CACNA1B: variants seen among roughly 807,000 people sequenced by gnomAD.
CACNA1B encodes the protein voltage-dependent N-type calcium channel subunit alpha-1B.
CACNA1B carries 70 observed loss-of-function variants against 247.2 expected under a neutral mutation model. The observed-to-expected ratio is 0.28, with a 90% CI of 0.23 to 0.35. The LOEUF (loss-of-function observed/expected upper bound fraction) is 0.35. Ranked by LOEUF, CACNA1B falls within the 10% of genes least tolerant of loss-of-function variation. The pLI, the probability that CACNA1B is intolerant of heterozygous loss-of-function variation, is 1.00. For missense variants in CACNA1B, 2,367 were observed against 3,197.4 expected (o/e 0.74, Z 6.26); for synonymous variants, 1,231 against 1,294.4 (o/e 0.95, Z 1.05).
rs375399857 is a variant in CACNA1B at position 137,956,879 on chromosome 9, G to A, written c.1243+52G>A. 109 of 1,488,022 alleles carry A rather than the reference G, an allele frequency of 7.3e-5. No individual in the cohort carries two copies. The African/African-American group carries it at 9.4e-4, about 13-fold the overall frequency. 92.2% of individuals were successfully genotyped at this position (1,488,022 alleles called of 1,614,324 possible). A position where few individuals can be genotyped will look rare whatever the true frequency, so the allele number is the denominator to read the frequency against. On this transcript the variant is annotated intron_variant, in intron 9 of 46. Transcript: ENST00000371372. ...TGTGGTGGAGTGCTCTGGTGGCCAC[G>A]TGGGTGGTGACACGTGCCTGCTTGC... is the stretch of plus-strand genomic sequence containing the variant.
chr9:137,936,788 G>T (rs1957673661), intron 6 of CACNA1B, among the ~76,000 whole-genome samples: 1 of 152,192 alleles, frequency 6.6e-6, no homozygotes, highest in Non-Finnish European at 1.5e-5. Context: ...TCAGATGGTT[G>T]TAGATGTATG....
At chr9:138,067,510 A>T (rs759132035) in intron 31 of CACNA1B, among the ~76,000 whole-genome samples, 8 of 152,188 alleles carry the variant, frequency 5.3e-5, no homozygotes, top group African/African-American at 1.9e-4. Flanking sequence ...AGACGAGTGG[A>T]TAACATTGTG....
At chr9:138,081,789 AAGAC>A (rs2131324140) in intron 36 of CACNA1B, among the ~76,000 whole-genome samples, 1 of 151,282 alleles carries the variant, frequency 6.6e-6, no homozygotes, top group Admixed American at 6.6e-5. Context: ...AATTCCTAGA[AAGAC>A]ACAAATTATC....
chr9:137,964,898 T>C (rs1958057452), intron 10 of CACNA1B, among the ~76,000 whole-genome samples: 1 of 152,218 alleles, frequency 6.6e-6, no homozygotes. Context: ...GTTGTTGTTG[T>C]TGTTTTCTGT....
In CACNA1B at chr9:137,957,745, G is replaced by A. The variant is rs1957966355; in HGVS notation, c.1333+58G>A. The A allele has an allele frequency of 1.6e-6, 2 of 1,243,372 alleles. No individual in the cohort carries two copies. The highest frequency in any genetic ancestry group is 2.2e-6 in the Non-Finnish European group (2 of 895,572). The allele number at this position is 1,243,372 out of a possible 1,614,324, so 77.0% of individuals were successfully genotyped here. A position where few individuals can be genotyped will look rare whatever the true frequency, so the allele number is the denominator to read the frequency against. ...GGCTTGAGCTGGACATGGAGTGCAT[G>A]CTCCGCTTCCCCTGCTACCCAGCCA... On this transcript the variant is annotated intron_variant, in intron 10 of 46. Coordinates refer to ENST00000371372, the MANE Select transcript of CACNA1B (RefSeq NM_000718.4). The surrounding 1 kb of genome is among the most constrained non-coding windows in gnomAD (Gnocchi z 4.7).
intron 41 of CACNA1B, 83 bp downstream of exon 41, chr9:138,114,573 G>A: frequency 1.5e-6 from 1 of 667,584 alleles, no homozygotes; most frequent in Admixed American, 2.6e-5. Flanking sequence ...CGACGGGGGA[G>A]ATGCACACCA....
intron 5 of CACNA1B, among the ~76,000 whole-genome samples, chr9:137,916,273 T>G (rs1269216637): frequency 6.6e-6 from 1 of 152,134 alleles, no homozygotes; most frequent in East Asian, 1.9e-4. Context: ...GCTCAGACAA[T>G]CTGCCCACCT....
At chr9:138,027,141 G>A (rs1470811684) in intron 20 of CACNA1B, among the ~76,000 whole-genome samples, 1 of 152,052 alleles carries the variant, frequency 6.6e-6, no homozygotes, top group African/African-American at 2.4e-5. Flanking sequence ...TGAGTTTTAG[G>A]AGTTCTTTGT....
rs910661718 is a variant in CACNA1B, at chr9:137,955,887, C to T, written c.1186+74C>T. 2.8e-5 allele frequency: 28 copies of T among 1,011,740 alleles called. No individual in the cohort carries two copies. The highest frequency in any genetic ancestry group is 4.1e-5 in the Non-Finnish European group (27 of 657,560). The allele number at this position is 1,011,740 out of a possible 1,614,324, so 62.7% of individuals were successfully genotyped here. On this transcript the variant is annotated intron_variant, in intron 8 of 46. Transcript: ENST00000371372. This position sits in a 1 kb window ranked among gnomAD's most constrained non-coding sequence, Gnocchi z 6.9. ...CTCTGTCCCCAATTCTGCTCTGCTG[C>T]CAGCTGGGGTGCCCTGGCTGCTGGG...
chr9:138,051,338 T>C lies in CACNA1B; in HGVS notation c.3711-754T>C, dbSNP rs1959268552. Among the ~76,000 whole-genome samples the C allele has an allele frequency of 6.6e-6, 1 of 151,684 alleles. No individual in the cohort carries two copies. Among genetic ancestry groups the C allele is most frequent in the African/African-American group, 2.4e-5 (1 of 41,250 alleles). Reference sequence around the variant, plus strand: ...GGCCCTCTGGTTCTGTACTTCTGCTTGCTTCTGTGCCTGGAATTTTCTTTC... The same window carrying C: ...GGCCCTCTGGTTCTGTACTTCTGCTCGCTTCTGTGCCTGGAATTTTCTTTC... On this transcript the variant is annotated intron_variant, in intron 24 of 46. Transcript: ENST00000371372. The surrounding 1 kb of genome is among the most constrained non-coding windows in gnomAD (Gnocchi z 4.3).
Position 137,955,398 on chromosome 9 carries a change from GA to G in CACNA1B, c.1071-298del, listed in dbSNP as rs2133342689. Among the ~76,000 whole-genome samples, 1 of 152,346 alleles carries G rather than the reference GA, an allele frequency of 6.6e-6. No homozygotes were observed. The highest frequency in any genetic ancestry group is 1.5e-5 in the Non-Finnish European group (1 of 68,032). On this transcript the variant is annotated intron_variant, in intron 7 of 46. Coordinates refer to ENST00000371372, the MANE Select transcript of CACNA1B (RefSeq NM_000718.4). The surrounding 1 kb of genome is among the most constrained non-coding windows in gnomAD (Gnocchi z 6.9). ...GCTGTGAAATTGTCCCTGCTCTCTAGAACTGCCCCTCTGGGGACCAAGGCAC... is the reference window on the plus strand; with the variant it reads ...GCTGTGAAATTGTCCCTGCTCTCTAGACTGCCCCTCTGGGGACCAAGGCAC...
chr9:138,047,878 T>C (rs1959197003), intron 23 of CACNA1B, among the ~76,000 whole-genome samples: 1 of 152,160 alleles, frequency 6.6e-6, no homozygotes, highest in Non-Finnish European at 1.5e-5. Context: ...TGCTGAAGAC[T>C]TGAATTTAGG....
intron 36 of CACNA1B, among the ~76,000 whole-genome samples, chr9:138,079,845 A>G (rs571262649): frequency 1.9e-4 from 29 of 149,900 alleles, no homozygotes; most frequent in African/African-American, 6.9e-4. Flanking sequence ...ACTATACTCC[A>G]GCCTGGGCAA....
chr9:138,095,742 G>A (rs1327991634), intron 36 of CACNA1B, among the ~76,000 whole-genome samples: 1 of 152,172 alleles, frequency 6.6e-6, no homozygotes, highest in East Asian at 1.9e-4. Context: ...GAATGAATGT[G>A]GTGTATTACC....
At chr9:138,083,571 A>AC (rs1960598335) in intron 36 of CACNA1B, among the ~76,000 whole-genome samples, 1 of 99,900 alleles carries the variant, frequency 1.0e-5, no homozygotes, top group African/African-American at 3.9e-5. Flanking sequence ...CATTGTCCCC[A>AC]CCCCCCACCC....
chr9:138,034,475 G>T (rs1485663131), intron 20 of CACNA1B, among the ~76,000 whole-genome samples: 14 of 149,146 alleles, frequency 9.4e-5, no homozygotes, highest in African/African-American at 3.0e-4. Context: ...TGGCTTGTGT[G>T]TGTAGTTTGG....
chr9:137,987,879 G>T (rs1239259429), intron 15 of CACNA1B, among the ~76,000 whole-genome samples: 1 of 152,224 alleles, frequency 6.6e-6, no homozygotes, highest in Non-Finnish European at 1.5e-5. Flanking sequence ...CCTAGTCACT[G>T]CCAGGCAGAG....
At chr9:137,965,593 ATT>A (rs1958065670) in intron 10 of CACNA1B, among the ~76,000 whole-genome samples, 1 of 151,524 alleles carries the variant, frequency 6.6e-6, no homozygotes, top group South Asian at 2.1e-4. Flanking sequence ...TTATTTATTT[ATT>A]TATTTATTTA....
rs539445938 is a variant in CACNA1B, at chr9:138,028,382, C to T, written c.3286+3210C>T. On this transcript the variant is annotated intron_variant, in intron 20 of 46. Transcript: ENST00000371372. ...TATGTGTCCGCTAAAAATTCCTAAC[C>T]GATTTTGTAAAATATAAAGCACAGA... is the stretch of plus-strand genomic sequence containing the variant. Among the ~76,000 whole-genome samples, 4 of 152,140 alleles carry T rather than the reference C, an allele frequency of 2.6e-5. No homozygotes were observed. The East Asian group carries it at 5.8e-4, about 22-fold the overall frequency.
Sources: gnomAD v4.1 joint callset for allele counts (sites outside exome capture counted in the v4.1 genomes callset) on GRCh38, gnomAD v4.1.1 for gene constraint, Gnocchi (gnomAD v3.1) non-coding constraint, MANE v1.5 for transcripts, NCBI Gene and HGNC (gene_info 2026-07-23, HGNC 2026-07-21) for gene names.